GAPVD1: variants seen among roughly 807,000 people sequenced by gnomAD.
The protein encoded by GAPVD1 is GTPase activating protein and VPS9 domains 1, also known as GTPase-activating protein and VPS9 domain-containing protein 1.
GAPVD1 carries 35 observed loss-of-function variants against 155.5 expected under a neutral mutation model. The observed-to-expected ratio is 0.23, with a 90% CI of 0.17 to 0.30. The LOEUF (loss-of-function observed/expected upper bound fraction) is 0.30, where lower values mean the gene tolerates loss of function less well. Ranked by LOEUF, GAPVD1 falls within the 10% of genes least tolerant of loss-of-function variation. The pLI is 1.00. For missense variants in GAPVD1, 1,429 were observed against 1,775.7 expected, an observed-to-expected ratio of 0.80 and a Z score of 3.51; for synonymous variants, 636 against 619.7, an observed-to-expected ratio of 1.03 and a Z score of -0.39.
intron 2 of GAPVD1, among the ~76,000 whole-genome samples, chr9:125,289,533 T>TA (rs1838256043): frequency 6.6e-6 from 1 of 152,136 alleles, no homozygotes; most frequent in Non-Finnish European, 1.5e-5. Flanking sequence ...TCAAGAATGA[T>TA]AGAGTTTTTG....
intron 25 of GAPVD1, among the ~76,000 whole-genome samples, chr9:125,358,658 C>T (rs1260072974): frequency 1.3e-5 from 2 of 152,208 alleles, no homozygotes; most frequent in African/African-American, 4.8e-5. Context: ...CTGCCTTCCT[C>T]ATTTGTTTAT....
intron 2 of GAPVD1, among the ~76,000 whole-genome samples, chr9:125,284,940 G>C (rs893692431): frequency 6.6e-6 from 1 of 152,190 alleles, no homozygotes; most frequent in African/African-American, 2.4e-5. Flanking sequence ...GTTTCACCAT[G>C]GTTGACTGAA....
intron 23 of GAPVD1, among the ~76,000 whole-genome samples, chr9:125,354,369 A>C (rs932294807): frequency 6.6e-6 from 1 of 152,216 alleles, no homozygotes; most frequent in African/African-American, 2.4e-5. Flanking sequence ...AGAGGGGCTT[A>C]GTAACATTTA....
Position 125,321,414 on chromosome 9 carries a change from T to A in GAPVD1, c.1603-19T>A, listed in dbSNP as rs751412551. ...TAATCTTTCCATTGATAAACCAAAA[T>A]TGACATTTTATTTTTTAGGTCCTAA... On this transcript the variant is annotated intron_variant, in intron 9 of 27. Transcript: ENST00000297933. 4 of 1,600,246 alleles carry A rather than the reference T, an allele frequency of 2.5e-6. No homozygotes were observed. In the Admixed American group the frequency reaches 6.8e-5, roughly 27 times the overall value.
chr9:125,325,469 GA>G (rs1485514258), intron 11 of GAPVD1, among the ~76,000 whole-genome samples: 2 of 138,066 alleles, frequency 1.4e-5, no homozygotes, highest in African/African-American at 5.6e-5. Flanking sequence ...TTAGTGAGCA[GA>G]GATCACACCA....
intron 2 of GAPVD1, among the ~76,000 whole-genome samples, chr9:125,284,233 G>C (rs1373990330): frequency 7.6e-6 from 1 of 131,952 alleles, no homozygotes; most frequent in Non-Finnish European, 1.5e-5. Context: ...CACCCAGGCC[G>C]AAGTGCAGTG....
At position 125,342,312 on chromosome 9, in the gene GAPVD1, A is replaced by G; in HGVS notation, c.3046+13A>G. 1.4e-6 allele frequency: 2 copies of G among 1,437,656 alleles called. No homozygotes were observed. Among genetic ancestry groups the G allele is most frequent in the South Asian group, 2.3e-5 (2 of 87,282 alleles). The allele number at this position is 1,437,656 out of a possible 1,614,324, so 89.1% of individuals were successfully genotyped here. A position where few individuals can be genotyped will look rare whatever the true frequency, so the allele number is the denominator to read the frequency against. On this transcript the variant is annotated intron_variant, in intron 19 of 27. Coordinates refer to ENST00000297933, the MANE Select transcript of GAPVD1 (RefSeq NM_001282680.3). ...TCAACACTCACAGGTTTGTAGACCCATGGACTTCCTGGCTCCTTCATTCCC... is the reference window on the plus strand; with the variant it reads ...TCAACACTCACAGGTTTGTAGACCCGTGGACTTCCTGGCTCCTTCATTCCC...
intron 10 of GAPVD1, among the ~76,000 whole-genome samples, 169 bp from the exon 11 acceptor site, chr9:125,323,629 G>A (rs918703183): frequency 2.0e-5 from 3 of 152,050 alleles, no homozygotes; most frequent in Non-Finnish European, 2.9e-5. Context: ...TAGCACCTTA[G>A]GATAAATTCC....
chr9:125,266,027 T>C (rs1396120741), intron 1 of GAPVD1, among the ~76,000 whole-genome samples: 2 of 150,806 alleles, frequency 1.3e-5, no homozygotes, highest in African/African-American at 4.9e-5. Flanking sequence ...GAAGACAGTA[T>C]TTGCAGCCCT....
chr9:125,307,134 T>C (rs1841966067), intron 6 of GAPVD1, among the ~76,000 whole-genome samples: 1 of 151,920 alleles, frequency 6.6e-6, no homozygotes, highest in African/African-American at 2.4e-5. Flanking sequence ...GGCATGGTCG[T>C]GGCACCTATA....
At chr9:125,285,454 T>G (rs1167868645) in intron 2 of GAPVD1, among the ~76,000 whole-genome samples, 1 of 31,254 alleles carries the variant, frequency 3.2e-5, no homozygotes, top group Non-Finnish European at 5.8e-5. Flanking sequence ...TTTTTCTTTG[T>G]TTTTTTTTTT....
At chr9:125,308,892 C>A (rs1330413305) in intron 8 of GAPVD1, 1 of 152,104 alleles carries the variant, frequency 6.6e-6, no homozygotes. Flanking sequence ...TATGGTGACA[C>A]CTAACTTAGC....
At chr9:125,321,618 G>GT (rs1844346716) in intron 10 of GAPVD1, 56 bp downstream of exon 10, 2 of 1,499,274 alleles carry the variant, frequency 1.3e-6, no homozygotes, top group Admixed American at 3.6e-5. Context: ...TTTGTTTTGT[G>GT]TTTTTTAAAG....
chr9:125,323,662 G>T (rs1844721810), intron 10 of GAPVD1, 136 bp from the exon 11 acceptor site: 2 of 765,434 alleles, frequency 2.6e-6, no homozygotes, highest in East Asian at 2.8e-5. Context: ...TTCTCAAAGG[G>T]CATGTGTTTT....
intron 2 of GAPVD1, among the ~76,000 whole-genome samples, chr9:125,280,118 C>T (rs1048070058): frequency 3.7e-4 from 56 of 150,848 alleles, no homozygotes; most frequent in African/African-American, 1.2e-3. Flanking sequence ...TGAGAAGAGC[C>T]GGGCACAGTG....
chr9:125,288,592 G>A (rs1838101443), intron 2 of GAPVD1, among the ~76,000 whole-genome samples: 1 of 151,228 alleles, frequency 6.6e-6, no homozygotes, highest in East Asian at 2.0e-4. Flanking sequence ...CCCCAGGGTG[G>A]TCTTGAATTC....
chr9:125,360,748 T>C (rs764931537), intron 27 of GAPVD1, 23 bp downstream of exon 27: 42 of 1,578,200 alleles, frequency 2.7e-5, no homozygotes, highest in Middle Eastern at 3.8e-4. Flanking sequence ...CTACTATCAG[T>C]TAAGGAGTTA....
At chr9:125,273,413 CT>C (rs1429856507) in intron 2 of GAPVD1, among the ~76,000 whole-genome samples, 9 of 151,120 alleles carry the variant, frequency 6.0e-5, no homozygotes, top group Non-Finnish European at 1.3e-4. Flanking sequence ...CAGAATTTGT[CT>C]TGTCTTGAGT....
intron 6 of GAPVD1, 22 bp from the exon 7 acceptor site, chr9:125,307,390 CT>C: frequency 6.5e-7 from 1 of 1,527,332 alleles, no homozygotes; most frequent in Non-Finnish European, 8.8e-7. Flanking sequence ...AAATGTTTCA[CT>C]GTTTTTTTCC....
Sources: gnomAD v4.1 joint callset for allele counts (sites outside exome capture counted in the v4.1 genomes callset) on GRCh38, gnomAD v4.1.1 for gene constraint, MANE v1.5 for transcripts, NCBI Gene and HGNC (gene_info 2026-07-23, HGNC 2026-07-21) for gene names.